FGF13: variants seen among roughly 807,000 people sequenced by gnomAD.
FGF13 encodes fibroblast growth factor homologous factor 2.
FGF13 carries 2 observed loss-of-function variants against 19.5 expected under a neutral mutation model. That is an observed-to-expected ratio of 0.10 (90% CI 0.04 to 0.32). The LOEUF (loss-of-function observed/expected upper bound fraction) is 0.32. FGF13 is among the 10% of genes least tolerant of loss of function. The pLI, the probability that FGF13 is intolerant of heterozygous loss-of-function variation, is 1.00. For missense variants in FGF13, 113 were observed against 192.7 expected (o/e 0.59, Z 2.45); for synonymous variants, 72 against 76.9 (o/e 0.94, Z 0.33).
At chrX:138,996,842 TGCCTCCTCAAGTG>T (rs1382417393) in intron 1 of FGF13, among the ~76,000 whole-genome samples, 1 of 112,240 alleles carries the variant, frequency 8.9e-6, no homozygotes, top group African/African-American at 3.2e-5. Flanking sequence ...ACAGACAGAC[TGCCTCCTCAAGTG>T]GGTCCCTGAC....
chrX:138,711,169 G>T lies in FGF13; in HGVS notation c.-166C>A. On this transcript the variant is annotated 5_prime_UTR_variant, in exon 1 of 5. Transcript: ENST00000315930. ...GCACTCGGGCTTCAGCCAAGGAGGG[G>T]GCTCAGCATGCCGTCCGAGCTCCTC... 9.3e-7 allele frequency: 1 copy of T among 1,071,146 alleles called. No homozygotes were observed. The highest frequency in any genetic ancestry group is 1.2e-6 in the Non-Finnish European group (1 of 832,840). 88.3% of individuals were successfully genotyped at this position (1,071,146 alleles called of 1,213,427 possible).
At chrX:138,978,552 G>T (rs1006538127) in intron 1 of FGF13, among the ~76,000 whole-genome samples, 1 of 112,410 alleles carries the variant, frequency 8.9e-6, no homozygotes, top group African/African-American at 3.2e-5. Flanking sequence ...GCGAGCCACC[G>T]CGCCCGGCCC....
chrX:138,801,429 G>C (rs2090828381), intron 3 of FGF13, among the ~76,000 whole-genome samples: 1 of 111,921 alleles, frequency 8.9e-6, no homozygotes, highest in South Asian at 3.8e-4. Flanking sequence ...GAACAGCAAA[G>C]ATTGCTGCCT....
chrX:139,004,158 C>T (rs921229163), intron 1 of FGF13, among the ~76,000 whole-genome samples: 1 of 112,844 alleles, frequency 8.9e-6, no homozygotes, highest in Admixed American at 9.2e-5. Flanking sequence ...CTGCAGGTCC[C>T]GAGCCCTGCC....
intron 1 of FGF13, among the ~76,000 whole-genome samples, chrX:139,129,994 A>G (rs976227707): frequency 8.9e-6 from 1 of 112,447 alleles, no homozygotes; most frequent in Non-Finnish European, 1.9e-5. Context: ...AGTACCTTTT[A>G]TGAAGCGGGG....
intron 1 of FGF13, among the ~76,000 whole-genome samples, chrX:138,992,536 T>C (rs777352129): frequency 9.0e-6 from 1 of 110,617 alleles, no homozygotes; most frequent in South Asian, 3.8e-4. Context: ...TAGCATGAGA[T>C]ATAGGGATAA....
At chrX:138,889,274 T>C (rs918573900) in intron 1 of FGF13, among the ~76,000 whole-genome samples, 1 of 111,943 alleles carries the variant, frequency 8.9e-6, no homozygotes, top group African/African-American at 3.3e-5. Flanking sequence ...AAAATATTTA[T>C]GTAATCAACA....
rs188056433 is a variant in FGF13, at chrX:138,915,823, T to C, written c.-112-51173A>G. ...AATTTTTGAAGGATTAGATGTGAAC[T>C]AAAGTGTCTTTAAAAATGCCTGGCT... On this transcript the variant is annotated intron_variant, in intron 1 of 2. Transcript: ENST00000421460. 1.6e-3 allele frequency among the ~76,000 whole-genome samples: 183 copies of C among 112,375 alleles called. 1 individual carries two copies. Among genetic ancestry groups the C allele is most frequent in the African/African-American group, 5.3e-3 (165 of 30,994 alleles).
At chrX:139,126,010 T>G (rs1257936336) in intron 1 of FGF13, among the ~76,000 whole-genome samples, 3 of 112,026 alleles carry the variant, frequency 2.7e-5, no homozygotes, top group African/African-American at 9.7e-5. Flanking sequence ...ACTTCACCGC[T>G]GTGAGACTCC....
At chrX:138,734,515 G>A (rs1233499465) in intron 1 of FGF13, among the ~76,000 whole-genome samples, 3 of 111,736 alleles carry the variant, frequency 2.7e-5, no homozygotes, top group African/African-American at 9.7e-5. Flanking sequence ...AGTTTTGGAT[G>A]AGTGTCATAT....
At chrX:138,937,866 G>T (rs1461666579) in intron 1 of FGF13, among the ~76,000 whole-genome samples, 1 of 112,022 alleles carries the variant, frequency 8.9e-6, no homozygotes, top group African/African-American at 3.2e-5. Flanking sequence ...ATTAGGATTG[G>T]AGATAGAAAT....
intron 1 of FGF13, among the ~76,000 whole-genome samples, chrX:139,062,032 T>C (rs1286676155): frequency 2.7e-5 from 3 of 111,596 alleles, no homozygotes; most frequent in African/African-American, 9.8e-5. Context: ...CTTCACCCTA[T>C]TGTTTCTTTT....
At chrX:138,709,136 T>C (rs1419962849) in intron 1 of FGF13, among the ~76,000 whole-genome samples, 1 of 112,912 alleles carries the variant, frequency 8.9e-6, no homozygotes, top group Non-Finnish European at 1.9e-5. Flanking sequence ...TCTGGAAACA[T>C]TGGTAAAGCT....
chrX:139,002,349 A>T (rs775974000), intron 1 of FGF13, among the ~76,000 whole-genome samples: 11 of 112,187 alleles, frequency 9.8e-5, no homozygotes, highest in African/African-American at 3.6e-4. Context: ...TTTTAAAAAA[A>T]AGATGAACAC....
chrX:139,075,887 C>CTG lies in FGF13; in HGVS notation c.-113+127527_-113+127528dup, dbSNP rs1340601358. On this transcript the variant is annotated intron_variant, in intron 1 of 2. Transcript: ENST00000421460. ...GTCTCGCTCTGTCGCCCAGGCCGGA[C>CTG]TGCGGACTGCAGTGGCGCAATCTCG... Among the ~76,000 whole-genome samples the CTG allele has an allele frequency of 1.7e-4, 2 of 11,463 alleles. 1 individual carries two copies. The highest frequency in any genetic ancestry group is 1.4e-3 in the Admixed American group (2 of 1,477). 10.0% of individuals were successfully genotyped at this position (11,463 alleles called of 115,157 possible).
At chrX:139,143,547 G>A (rs2083863181) in intron 1 of FGF13, among the ~76,000 whole-genome samples, 1 of 112,121 alleles carries the variant, frequency 8.9e-6, no homozygotes, top group African/African-American at 3.2e-5. Context: ...AGTTCAAAAG[G>A]AAGTACTTCA....
intron 1 of FGF13, among the ~76,000 whole-genome samples, chrX:138,926,400 G>C (rs1021296047): frequency 8.9e-6 from 1 of 112,125 alleles, no homozygotes; most frequent in African/African-American, 3.2e-5. Flanking sequence ...AAATTATGTA[G>C]CATAATTAAA....
intron 1 of FGF13, among the ~76,000 whole-genome samples, chrX:138,728,542 G>T (rs770095345): frequency 9.0e-6 from 1 of 111,019 alleles, no homozygotes; most frequent in South Asian, 3.8e-4. Context: ...ATATATGCTA[G>T]TAAACAAATT....
At chrX:138,774,576 C>T (rs2090573972) in intron 3 of FGF13, among the ~76,000 whole-genome samples, 1 of 111,549 alleles carries the variant, frequency 9.0e-6, no homozygotes, top group African/African-American at 3.3e-5. Context: ...TTATGCTTTC[C>T]TAGACCTCTC....
Sources: allele counts gnomAD v4.1 joint callset (sites outside exome capture counted in the v4.1 genomes callset), GRCh38; gene constraint gnomAD v4.1.1; transcripts MANE v1.5; gene names NCBI Gene and HGNC (gene_info 2026-07-23, HGNC 2026-07-21).